CACUL1: variants seen among roughly 807,000 people sequenced by gnomAD.
The protein encoded by CACUL1 is CDK2 associated cullin domain 1, also known as CDK2-associated and cullin domain-containing protein 1.
A neutral mutation model predicts 45.2 loss-of-function variants in CACUL1; 13 were observed. The ratio of observed to expected loss-of-function variants is 0.29; its 90% confidence interval spans 0.19 to 0.46. The LOEUF (loss-of-function observed/expected upper bound fraction) is 0.46, where lower values mean the gene tolerates loss of function less well. Ranked by LOEUF, CACUL1 falls within the 20% of genes least tolerant of loss-of-function variation. The pLI, the probability that CACUL1 is intolerant of heterozygous loss-of-function variation, is 1.00. For synonymous variants in CACUL1, 197 were observed against 174.2 expected, an observed-to-expected ratio of 1.13 and a Z score of -1.03; for missense variants, 421 against 471.4, an observed-to-expected ratio of 0.89 and a Z score of 0.99.
In CACUL1 at chr10:118,730,891, C is replaced by T. The variant is rs866182807; in HGVS notation, c.368-481G>A. Among the ~76,000 whole-genome samples, 5 of 152,336 alleles carry T rather than the reference C, an allele frequency of 3.3e-5. No homozygotes were observed. In the Middle Eastern group the frequency reaches 0.01, roughly 311 times the overall value. On this transcript the variant is annotated intron_variant, in intron 1 of 8. Coordinates refer to ENST00000369151, the MANE Select transcript of CACUL1 (RefSeq NM_153810.5). ...GACTATGAGGATTAAGGTCCAAATG[C>T]TGCAATCACAAAGAGGTTGCTGTAA...
intron 6 of CACUL1, 98 bp downstream of exon 6, chr10:118,695,043 G>T: frequency 1.4e-6 from 1 of 735,888 alleles, no homozygotes; most frequent in Admixed American, 2.1e-5. Context: ...GCAAATCCAA[G>T]TACCATTAAG....
At chr10:118,695,396 C>G (rs1175972186) in intron 5 of CACUL1, among the ~76,000 whole-genome samples, 166 bp from the exon 6 acceptor site, 1 of 151,868 alleles carries the variant, frequency 6.6e-6, no homozygotes, top group African/African-American at 2.4e-5. Context: ...TTTTTTAATC[C>G]ACTGCAGTAG....
At chr10:118,729,438 T>C in intron 2 of CACUL1, 41 bp from the exon 3 acceptor site, 1 of 1,398,776 alleles carries the variant, frequency 7.1e-7, no homozygotes, top group South Asian at 1.2e-5. Context: ...AAGTTAATCA[T>C]AAAGCACTTA....
At chr10:118,690,307 CAAAAAAAA>C (rs34414146) in intron 7 of CACUL1, among the ~76,000 whole-genome samples, 5 of 88,472 alleles carry the variant, frequency 5.7e-5, no homozygotes, top group South Asian at 9.4e-4. Flanking sequence ...GACTCCGTCT[CAAAAAAAA>C]AAAAAAAAAA....
chr10:118,730,303 A>C lies in CACUL1; in HGVS notation c.475T>G (p.Ser159Ala). 6.2e-7 allele frequency: 1 copy of C among 1,614,088 alleles called. No individual in the cohort carries two copies. The highest frequency in any genetic ancestry group is 8.5e-7 in the Non-Finnish European group (1 of 1,179,960). ...ACTTACCTGTATATCTGTTCATAGG[A>C]TATGGGGATATAGTCACCAGGACTC... ...TQSPGDYIPI[S>A]YEQIYSCVYK... Residue 159 changes from serine to alanine, a missense_variant, in exon 2 of 9, where the codon TCC (serine) becomes GCC (alanine). Coordinates refer to ENST00000369151, the MANE Select transcript of CACUL1 (RefSeq NM_153810.5).
chr10:118,731,798 A>C (rs1007064491), intron 1 of CACUL1, among the ~76,000 whole-genome samples: 1 of 152,234 alleles, frequency 6.6e-6, no homozygotes. Context: ...CGCATTTGTC[A>C]AGACCAAAAG....
rs1385926658 is a variant in CACUL1 at position 118,684,064 on chromosome 10, C to T, written c.*2064G>A. 6.6e-6 allele frequency: 1 copy of T among 152,620 alleles called. No individual in the cohort carries two copies. Among genetic ancestry groups the T allele is most frequent in the Non-Finnish European group, 1.5e-5 (1 of 68,032 alleles). The allele number at this position is 152,620 out of a possible 1,614,324, so 9.5% of individuals were successfully genotyped here. Reference sequence around the variant, plus strand: ...TTACTTTGCCCACTTTTTATTAATACATACATAGTAAAAAGAATATATTTC... The same window carrying T: ...TTACTTTGCCCACTTTTTATTAATATATACATAGTAAAAAGAATATATTTC... On this transcript the variant is annotated 3_prime_UTR_variant, in exon 9 of 9. Coordinates refer to ENST00000369151, the MANE Select transcript of CACUL1 (RefSeq NM_153810.5).
rs549934964 is a variant in CACUL1 at position 118,680,270 on chromosome 10, G to T, written c.*5858C>A. On this transcript the variant is annotated 3_prime_UTR_variant, in exon 9 of 9. Transcript: ENST00000369151. ...CACAGAGCTGGTTCTAGTAGAAAAG[G>T]TTTGTACTTAGTAAAAAACAAACCT... is the stretch of plus-strand genomic sequence containing the variant. The T allele has an allele frequency of 6.6e-6, 1 of 152,208 alleles. No homozygotes were observed. Among genetic ancestry groups the T allele is most frequent in the South Asian group, 2.1e-4 (1 of 4,816 alleles). 9.4% of individuals were successfully genotyped at this position (152,208 alleles called of 1,614,324 possible).
chr10:118,721,186 T>C (rs531148218), intron 3 of CACUL1, among the ~76,000 whole-genome samples: 2 of 152,342 alleles, frequency 1.3e-5, no homozygotes, highest in South Asian at 4.1e-4. Context: ...GTACACAAGA[T>C]AACCAGTTGA....
chr10:118,693,662 C>T (rs1845293062), intron 6 of CACUL1: 1 of 452,286 alleles, frequency 2.2e-6, no homozygotes. Context: ...CACTTAGATG[C>T]TTTCAAAGGA....
At chr10:118,743,855 G>C (rs1339685320) in intron 1 of CACUL1, among the ~76,000 whole-genome samples, 1 of 152,102 alleles carries the variant, frequency 6.6e-6, no homozygotes, top group Non-Finnish European at 1.5e-5. Flanking sequence ...CTTAGAAAAT[G>C]AAGATAAAAT....
chr10:118,700,587 G>A (rs1209688261), intron 5 of CACUL1, among the ~76,000 whole-genome samples: 1 of 151,906 alleles, frequency 6.6e-6, no homozygotes, highest in African/African-American at 2.4e-5. Flanking sequence ...CATGGTTGCG[G>A]GCACCTGTAA....
chr10:118,714,698 C>T (rs936311356), intron 3 of CACUL1, among the ~76,000 whole-genome samples: 3 of 152,060 alleles, frequency 2.0e-5, no homozygotes, highest in African/African-American at 7.2e-5. Context: ...TTCTCAAAAC[C>T]ACCACTGTAC....
chr10:118,749,246 C>T (rs1482201351), intron 1 of CACUL1, among the ~76,000 whole-genome samples: 4 of 152,160 alleles, frequency 2.6e-5, no homozygotes, highest in African/African-American at 7.2e-5. Context: ...TCCAGAGTGA[C>T]GAAGTGGAAA....
intron 4 of CACUL1, among the ~76,000 whole-genome samples, chr10:118,703,535 T>C (rs1305529830): frequency 2.0e-5 from 3 of 152,228 alleles, no homozygotes; most frequent in Admixed American, 2.0e-4. Context: ...GCATAATTCT[T>C]ATATACATAT....
rs550533964 is a variant in CACUL1, at chr10:118,750,589, T to C, written c.367+3807A>G. Reference sequence around the variant, plus strand: ...GAAACCAACAGAAGCTGTTTTCACCTTACAGTCTAAAGTATACCTTCACTG... The same window carrying C: ...GAAACCAACAGAAGCTGTTTTCACCCTACAGTCTAAAGTATACCTTCACTG... On this transcript the variant is annotated intron_variant, in intron 1 of 8. Coordinates refer to ENST00000369151, the MANE Select transcript of CACUL1 (RefSeq NM_153810.5). 5.3e-5 allele frequency among the ~76,000 whole-genome samples: 8 copies of C among 152,326 alleles called. No individual in the cohort carries two copies. In the South Asian group the frequency reaches 1.4e-3, roughly 28 times the overall value.
chr10:118,736,636 T>C (rs1174419361), intron 1 of CACUL1, among the ~76,000 whole-genome samples: 1 of 152,134 alleles, frequency 6.6e-6, no homozygotes, highest in Non-Finnish European at 1.5e-5. Flanking sequence ...AGCCACAGCA[T>C]CTGGCCAGAA....
chr10:118,749,513 A>T (rs1845875758), intron 1 of CACUL1, among the ~76,000 whole-genome samples: 2 of 152,256 alleles, frequency 1.3e-5, no homozygotes, highest in African/African-American at 4.8e-5. Context: ...AAAGCCATGT[A>T]ACCTCACCTA....
At chr10:118,703,770 C>T (rs952916096) in intron 4 of CACUL1, among the ~76,000 whole-genome samples, 11 of 151,946 alleles carry the variant, frequency 7.2e-5, no homozygotes, top group East Asian at 3.9e-4. Flanking sequence ...AGTAAGTTAG[C>T]GGAAAAAAAG....
Sources: gnomAD v4.1 joint callset for allele counts (sites outside exome capture counted in the v4.1 genomes callset) on GRCh38, gnomAD v4.1.1 for gene constraint, MANE v1.5 for transcripts, NCBI Gene and HGNC (gene_info 2026-07-23, HGNC 2026-07-21) for gene names.